Variants in FNIP1 observed in about 807,000 individuals in gnomAD.
FNIP1 encodes the protein folliculin-interacting protein 1.
In FNIP1, 40 loss-of-function variants were observed where a neutral mutation model predicts 124.5. The observed-to-expected ratio is 0.32, with a 90% CI of 0.25 to 0.42. The LOEUF is 0.42. Ranked by LOEUF, FNIP1 falls within the 10% of genes least tolerant of loss-of-function variation. The probability of loss-of-function intolerance (pLI) is 1.00; values close to 1 mark genes in which losing one functional copy is unlikely to be tolerated. For synonymous variants in FNIP1, 472 were observed against 470.6 expected, an observed-to-expected ratio of 1.00 and a Z score of -0.04; for missense variants, 1,176 against 1,403.7, an observed-to-expected ratio of 0.84 and a Z score of 2.59.
At chr5:131,707,317 T>G (rs1450181688) in intron 8 of FNIP1, among the ~76,000 whole-genome samples, 1 of 152,250 alleles carries the variant, frequency 6.6e-6, no homozygotes, top group Non-Finnish European at 1.5e-5. Flanking sequence ...CATTAAGGGC[T>G]TGCTTTTGTT....
intron 1 of FNIP1, among the ~76,000 whole-genome samples, chr5:131,790,639 G>A (rs1772378789): frequency 6.6e-6 from 1 of 152,162 alleles, no homozygotes; most frequent in Non-Finnish European, 1.5e-5. Flanking sequence ...AGTAAGCAAA[G>A]AAGAGAGACG....
intron 11 of FNIP1, among the ~76,000 whole-genome samples, chr5:131,682,630 T>A (rs1768128352): frequency 6.6e-6 from 1 of 151,560 alleles, no homozygotes; most frequent in South Asian, 2.1e-4. Context: ...GGCACAAGAA[T>A]CACTTGAACC....
At chr5:131,668,239 A>G (rs974692126) in intron 15 of FNIP1, among the ~76,000 whole-genome samples, 1 of 152,272 alleles carries the variant, frequency 6.6e-6, no homozygotes, top group African/African-American at 2.4e-5. Flanking sequence ...ATGGAATTAA[A>G]TTAGAAACCA....
At chr5:131,738,655 A>G (rs1467620670) in intron 2 of FNIP1, among the ~76,000 whole-genome samples, 2 of 150,908 alleles carry the variant, frequency 1.3e-5, no homozygotes, top group Non-Finnish European at 2.9e-5. Flanking sequence ...ACGTGCCACC[A>G]CACCCGGCTA....
chr5:131,666,207 C>T (rs1767600237), intron 15 of FNIP1, among the ~76,000 whole-genome samples: 1 of 152,094 alleles, frequency 6.6e-6, no homozygotes, highest in African/African-American at 2.4e-5. Context: ...TTTAGAAATC[C>T]TATACATGCT....
At position 131,778,350 on chromosome 5, in the gene FNIP1, G is replaced by T. The variant is rs1771880028; in HGVS notation, c.92+18480C>A. ...AGAGGAACAAGGTAAAGTATACTGTGAGGAAGAAAGAAGACATTTATGCAG... is the reference window on the plus strand; with the variant it reads ...AGAGGAACAAGGTAAAGTATACTGTTAGGAAGAAAGAAGACATTTATGCAG... On this transcript the variant is annotated intron_variant, in intron 1 of 17. Coordinates refer to ENST00000510461, the MANE Select transcript of FNIP1 (RefSeq NM_133372.3). 3.3e-5 allele frequency among the ~76,000 whole-genome samples: 5 copies of T among 152,184 alleles called. No individual in the cohort carries two copies. The South Asian group carries it at 1.0e-3, about 32-fold the overall frequency.
chr5:131,793,611 A>C (rs1400580448), intron 1 of FNIP1, among the ~76,000 whole-genome samples: 1 of 152,228 alleles, frequency 6.6e-6, no homozygotes, highest in East Asian at 1.9e-4. Context: ...AGACAAGGGA[A>C]GGGGGTATTT....
At chr5:131,786,639 G>A (rs561132597) in intron 1 of FNIP1, among the ~76,000 whole-genome samples, 5 of 152,190 alleles carry the variant, frequency 3.3e-5, no homozygotes, top group African/African-American at 7.2e-5. Flanking sequence ...TTTGAGAGGT[G>A]AGACTATTAA....
intron 9 of FNIP1, 132 bp downstream of exon 9, chr5:131,706,279 G>A: frequency 1.0e-6 from 1 of 968,394 alleles, no homozygotes; most frequent in Non-Finnish European, 1.4e-6. Context: ...TTTTAAAAAT[G>A]TAGTAAATTT....
intron 1 of FNIP1, among the ~76,000 whole-genome samples, chr5:131,756,698 G>C (rs901733310): frequency 6.6e-6 from 1 of 152,170 alleles, no homozygotes; most frequent in African/African-American, 2.4e-5. Flanking sequence ...ATGAAATCGA[G>C]CATTTATAGC....
intron 12 of FNIP1, among the ~76,000 whole-genome samples, chr5:131,678,678 G>A (rs1474344378): frequency 1.3e-5 from 2 of 152,116 alleles, no homozygotes. Flanking sequence ...CCAAAGTGCT[G>A]GGGTTACAGG....
At chr5:131,709,179 G>A in intron 8 of FNIP1, 22 bp downstream of exon 8, 1 of 1,602,576 alleles carries the variant, frequency 6.2e-7, no homozygotes. Flanking sequence ...ATAAAAAACT[G>A]AATACAAGAA....
intron 11 of FNIP1, among the ~76,000 whole-genome samples, chr5:131,693,086 T>C (rs928009596): frequency 3.3e-5 from 5 of 150,646 alleles, no homozygotes; most frequent in Non-Finnish European, 5.9e-5. Flanking sequence ...TTAATAATAA[T>C]ATTATATACT....
chr5:131,716,573 C>A lies in FNIP1; in HGVS notation c.614G>T (p.Gly205Val), dbSNP rs1769472126. 1.3e-6 allele frequency: 2 copies of A among 1,593,252 alleles called. No homozygotes were observed. Among genetic ancestry groups the A allele is most frequent in the Non-Finnish European group, 1.7e-6 (2 of 1,168,184 alleles). Residue 205 changes from glycine to valine, a missense_variant, in exon 6 of 18, where the codon GGA becomes GTA. By Grantham distance (109) the Gly-to-Val change is moderately radical (BLOSUM62 -3). Transcript: ENST00000510461. The stretch of plus-strand genomic sequence containing the variant: ...TCAAAGGAACCATTTACCTATATTT[C>A]CAAGCAGTCCATTAATAACTGTGTT... ...DNNTVINGLL[G>V]NIGLSQFCSP...
chr5:131,709,377 C>T, intron 7 of FNIP1, 105 bp from the exon 8 acceptor site: 1 of 949,192 alleles, frequency 1.1e-6, no homozygotes, highest in South Asian at 1.4e-5. Flanking sequence ...TCATTGCATT[C>T]CCTTATTTTT....
At chr5:131,753,326 A>G (rs1770943376) in intron 1 of FNIP1, among the ~76,000 whole-genome samples, 1 of 152,230 alleles carries the variant, frequency 6.6e-6, no homozygotes, top group Admixed American at 6.5e-5. Flanking sequence ...ACTCTCACAG[A>G]AATGTTCACT....
At position 131,744,548 on chromosome 5, in the gene FNIP1, C is replaced by A; in HGVS notation, c.219+16G>T. 6.4e-7 allele frequency: 1 copy of A among 1,573,984 alleles called. No individual in the cohort carries two copies. Among genetic ancestry groups the A allele is most frequent in the South Asian group, 1.2e-5 (1 of 84,340 alleles). ...GTTCAACATTAAAAGTCAACCAAAT[C>A]AATAATGATGCTCACCGATACTGAT... On this transcript the variant is annotated intron_variant, in intron 2 of 17. Coordinates refer to ENST00000510461, the MANE Select transcript of FNIP1 (RefSeq NM_133372.3).
chr5:131,688,832 A>C (rs969729307), intron 11 of FNIP1, among the ~76,000 whole-genome samples: 6 of 151,986 alleles, frequency 3.9e-5, no homozygotes, highest in Admixed American at 3.9e-4. Context: ...TGAAAAGCCA[A>C]GAGAATAAAG....
intron 15 of FNIP1, among the ~76,000 whole-genome samples, chr5:131,668,323 C>A (rs747344931): frequency 6.6e-6 from 1 of 152,094 alleles, no homozygotes; most frequent in Non-Finnish European, 1.5e-5. Flanking sequence ...ACTCATAAGT[C>A]AAAGAAATTA....
Sources: allele counts gnomAD v4.1 joint callset (sites outside exome capture counted in the v4.1 genomes callset), GRCh38; gene constraint gnomAD v4.1.1; transcripts MANE v1.5; gene names NCBI Gene and HGNC (gene_info 2026-07-23, HGNC 2026-07-21).